Variants in MOK observed in about 807,000 individuals in gnomAD.
The protein encoded by MOK is MAPK/MAK/MRK overlapping kinase.
A neutral mutation model predicts 54.2 loss-of-function variants in MOK; 59 were observed. The observed-to-expected ratio is 1.09, with a 90% CI of 0.88 to 1.35. The LOEUF (loss-of-function observed/expected upper bound fraction) is 1.35, where lower values mean the gene tolerates loss of function less well. Ranked by LOEUF, MOK falls within the 40% of genes most tolerant of loss-of-function variation. The pLI is 0.00. For synonymous variants in MOK, 210 were observed against 202.7 expected (o/e 1.04, Z -0.31); for missense variants, 517 against 526.2 (o/e 0.98, Z 0.17).
At chr14:102,219,905 G>A (rs1250681604), downstream of MOK, among the ~76,000 whole-genome samples, 3 of 152,252 alleles carry the variant, frequency 2.0e-5, no homozygotes, top group Non-Finnish European at 4.4e-5. Flanking sequence ...GCTGGGCCCA[G>A]TGGAGAGTGG....
At chr14:102,273,807 A>G (rs2068600070) in intron 2 of MOK, among the ~76,000 whole-genome samples, 1 of 152,144 alleles carries the variant, frequency 6.6e-6, no homozygotes, top group Admixed American at 6.6e-5. Context: ...AACAAAACAT[A>G]GCTGAAACTA....
chr14:102,251,832 A>G, intron 5 of MOK, 28 bp from the exon 6 acceptor site: 8 of 1,545,138 alleles, frequency 5.2e-6, no homozygotes, highest in Non-Finnish European at 7.1e-6. Flanking sequence ...GAAAAATAGA[A>G]TTACACTTCA....
downstream of MOK, among the ~76,000 whole-genome samples, chr14:102,227,858 C>T (rs1427235310): frequency 6.6e-6 from 1 of 152,218 alleles, no homozygotes; most frequent in Non-Finnish European, 1.5e-5. Context: ...CACTGGAGAG[C>T]ACGTGAAGGA....
intron 1 of MOK, among the ~76,000 whole-genome samples, chr14:102,286,456 AAAT>A (rs1413551185): frequency 6.6e-6 from 1 of 151,732 alleles, no homozygotes; most frequent in African/African-American, 2.4e-5. Flanking sequence ...TCTCTACAAA[AAAT>A]AATTAGCCAG....
chr14:102,250,188 T>G (rs2066411961), intron 7 of MOK, among the ~76,000 whole-genome samples: 1 of 152,158 alleles, frequency 6.6e-6, no homozygotes, highest in Admixed American at 6.5e-5. Context: ...ACCCCTCAGA[T>G]GCACCCCCAG....
intron 7 of MOK, among the ~76,000 whole-genome samples, chr14:102,234,313 C>T (rs187812550): frequency 6.6e-6 from 1 of 151,996 alleles, no homozygotes; most frequent in East Asian, 1.9e-4. Context: ...CCCGAACCTG[C>T]CAAAGACCCA....
In MOK at chr14:102,228,976, C is replaced by A. The variant is rs1349008916; in HGVS notation, c.*313G>T. The A allele has an allele frequency of 7.8e-6, 3 of 384,886 alleles. No individual in the cohort carries two copies. Among genetic ancestry groups the A allele is most frequent in the African/African-American group, 6.3e-5 (3 of 47,344 alleles). 23.8% of individuals were successfully genotyped at this position (384,886 alleles called of 1,614,324 possible). ...CACCTTCCAACCACGCCCAACACAT[C>A]ACAGAAATGCCTGCTCGTTTGTTTT... is the stretch of plus-strand genomic sequence containing the variant. On this transcript the variant is annotated 3_prime_UTR_variant, in exon 12 of 12. Coordinates refer to ENST00000361847, the MANE Select transcript of MOK (RefSeq NM_014226.3).
rs111787428 is a variant in MOK at position 102,251,619 on chromosome 14, GA to G, written c.411+136del. The G allele has an allele frequency of 2.2e-3, 1,636 of 747,556 alleles. 23 individuals are homozygous for G. The African/African-American group carries it at 0.022, about 10-fold the overall frequency. 46.3% of individuals were successfully genotyped at this position (747,556 alleles called of 1,614,324 possible). A position where few individuals can be genotyped will look rare whatever the true frequency, so the allele number is the denominator to read the frequency against. ...AAACCATTTTTTACAACCTGAGAGGGAAAAAAATTACTGTAACAAACAGGCT... is the reference window on the plus strand; with the variant it reads ...AAACCATTTTTTACAACCTGAGAGGGAAAAAATTACTGTAACAAACAGGCT... On this transcript the variant is annotated intron_variant, in intron 6 of 11. Transcript: ENST00000361847.
Position 102,275,190 on chromosome 14 carries a change from T to C in MOK, c.122+8288A>G, listed in dbSNP as rs768010476. On this transcript the variant is annotated intron_variant, in intron 2 of 11. Coordinates refer to ENST00000361847, the MANE Select transcript of MOK (RefSeq NM_014226.3). ...GCAAGGAAAGTCTTTTTTTAACAAA[T>C]GATGCTGGAACAACTGGATATTCAT... 7.2e-5 allele frequency among the ~76,000 whole-genome samples: 11 copies of C among 152,226 alleles called. No homozygotes were observed. The East Asian group carries it at 1.7e-3, about 24-fold the overall frequency.
intron 1 of MOK, among the ~76,000 whole-genome samples, chr14:102,290,883 T>C (rs1311996343): frequency 6.6e-6 from 1 of 152,146 alleles, no homozygotes; most frequent in Non-Finnish European, 1.5e-5. Flanking sequence ...GTGGGGTATA[T>C]GAGAGGGGTG....
rs1295958332 is a variant in MOK, at chr14:102,229,496, C to T, written c.1143G>A (p.Pro381=). 6 of 1,614,166 alleles carry T rather than the reference C, an allele frequency of 3.7e-6. No individual in the cohort carries two copies. The highest frequency in any genetic ancestry group is 1.6e-4 in the Middle Eastern group (1 of 6,062). ...GGATGCACTTCAAGGGTCTCAGCAC[C>T]GGCACTCTTCCATTTGTTCCAGATC... ...VLGSGTNGRV[P]VLRPLKCIPA... is the part of the protein sequence containing the mutation. The change falls in exon 11 of 12, where the codon CCG becomes CCA. Residue 381 remains proline, a synonymous_variant. Coordinates refer to ENST00000361847, the MANE Select transcript of MOK (RefSeq NM_014226.3).
In MOK at chr14:102,240,612, AC is replaced by A. The variant is rs951317651; in HGVS notation, c.591-6824del. On this transcript the variant is annotated intron_variant, in intron 7 of 11. Transcript: ENST00000361847. The surrounding 1 kb of genome is among the most constrained non-coding windows in gnomAD (Gnocchi z 5.4). ...CTCAAAACTCCAGCACCAGTCACAG[AC>A]TCAGGAATAGTCTTCTCTTGGTGTT... The A allele has an allele frequency of 3.0e-5, 4 of 133,410 alleles. No individual in the cohort carries two copies. The highest frequency in any genetic ancestry group is 2.8e-4 in the Admixed American group (4 of 14,408). 8.3% of individuals were successfully genotyped at this position (133,410 alleles called of 1,614,324 possible).
At chr14:102,223,875 C>T (rs1242257161), downstream of MOK, among the ~76,000 whole-genome samples, 20 of 152,018 alleles carry the variant, frequency 1.3e-4, no homozygotes, top group Admixed American at 1.3e-3. Context: ...TGTCTGTGGC[C>T]ACTGTGGGCA....
chr14:102,304,615 C>A (rs553012548), intron 1 of MOK, among the ~76,000 whole-genome samples: 1 of 152,280 alleles, frequency 6.6e-6, no homozygotes, highest in African/African-American at 2.4e-5. Context: ...AGGTTCAAGC[C>A]AGCATTTAAA....
intron 7 of MOK, 93 bp from the exon 8 acceptor site, chr14:102,233,882 C>G (rs1040518699): frequency 2.9e-5 from 26 of 895,616 alleles, no homozygotes; most frequent in Admixed American, 4.4e-5. Context: ...AAGGGGAGAT[C>G]GTGGGAAGCA....
At chr14:102,222,777 G>A, downstream of MOK, 1 of 1,606,730 alleles carries the variant, frequency 6.2e-7, no homozygotes. This position sits in a 1 kb window ranked among gnomAD's most constrained non-coding sequence, Gnocchi z 4.4. Flanking sequence ...GCGCATGGTG[G>A]CTGTTGCCCG....
At chr14:102,216,781 T>C in the MOK span, among the ~76,000 whole-genome samples, 154 of 152,154 alleles carry the variant, frequency 1.0e-3, no homozygotes, top group South Asian at 4.8e-3. Flanking sequence ...AATACAAAAA[T>C]TAGCCGGGCG....
At position 102,289,832 on chromosome 14, in the gene MOK, TATA is replaced by T. The variant is rs541423263; in HGVS notation, c.8-6243_8-6241del. On this transcript the variant is annotated intron_variant, in intron 1 of 11. Coordinates refer to ENST00000361847, the MANE Select transcript of MOK (RefSeq NM_014226.3). Reference sequence around the variant, plus strand: ...CTCAAGCTCCTTCTTTGTCAACAGTTATAATAATATGTCTCCATACTGTGAGGT... The same window carrying T: ...CTCAAGCTCCTTCTTTGTCAACAGTTATAATATGTCTCCATACTGTGAGGT... 2.6e-5 allele frequency among the ~76,000 whole-genome samples: 4 copies of T among 152,270 alleles called. No individual in the cohort carries two copies. The East Asian group carries it at 7.7e-4, about 29-fold the overall frequency.
intron 8 of MOK, chr14:102,233,294 A>G (rs1261321089): frequency 5.5e-6 from 1 of 182,012 alleles, no homozygotes; most frequent in African/African-American, 2.4e-5. Context: ...AGAGTCCGGG[A>G]ACACCTCTTC....
Sources: allele counts gnomAD v4.1 joint callset (sites outside exome capture counted in the v4.1 genomes callset), GRCh38; gene constraint gnomAD v4.1.1; non-coding constraint Gnocchi (gnomAD v3.1); transcripts MANE v1.5; gene names NCBI Gene and HGNC (gene_info 2026-07-23, HGNC 2026-07-21).